PTCHD4: variants seen among roughly 807,000 people sequenced by gnomAD.
PTCHD4 encodes patched domain containing 4.
PTCHD4 carries 33 observed loss-of-function variants against 58.1 expected under a neutral mutation model. That is an observed-to-expected ratio of 0.57 (90% CI 0.43 to 0.76). PTCHD4 has a LOEUF of 0.76. Ranked by LOEUF, PTCHD4 falls within the 30% of genes least tolerant of loss-of-function variation. The probability of loss-of-function intolerance (pLI) is 0.00; values close to 1 mark genes in which losing one functional copy is unlikely to be tolerated. For synonymous variants in PTCHD4, 478 were observed against 409.6 expected (o/e 1.17, Z -2.02); for missense variants, 1,058 against 1,027.1 (o/e 1.03, Z -0.41).
chr6:48,046,525 C>G (rs540775873), intron 3 of PTCHD4, among the ~76,000 whole-genome samples: 1 of 151,884 alleles, frequency 6.6e-6, no homozygotes, highest in African/African-American at 2.4e-5. Flanking sequence ...TAGTTATAAA[C>G]AACTGTTTGA....
At chr6:47,945,755 T>G (rs1766392354) in intron 4 of PTCHD4, among the ~76,000 whole-genome samples, 1 of 151,810 alleles carries the variant, frequency 6.6e-6, no homozygotes, top group Non-Finnish European at 1.5e-5. Flanking sequence ...TCTATGAAAA[T>G]TATAAATTAT....
chr6:48,015,456 C>T (rs1160160229), intron 3 of PTCHD4, among the ~76,000 whole-genome samples: 1 of 152,008 alleles, frequency 6.6e-6, no homozygotes, highest in African/African-American at 2.4e-5. Context: ...TATCACCCTT[C>T]TCATGAACTC....
intron 4 of PTCHD4, among the ~76,000 whole-genome samples, chr6:47,996,867 C>T (rs535282357): frequency 6.6e-6 from 1 of 152,150 alleles, no homozygotes; most frequent in African/African-American, 2.4e-5. Context: ...TAAAAGAACA[C>T]ATAATTTTAC....
intron 4 of PTCHD4, among the ~76,000 whole-genome samples, chr6:47,953,888 A>G (rs900078935): frequency 3.3e-5 from 5 of 152,096 alleles, no homozygotes; most frequent in African/African-American, 1.2e-4. Flanking sequence ...TGAATGTGCA[A>G]TTTTTTTCCC....
At chr6:48,074,820 A>T (rs924205445) in intron 1 of PTCHD4, among the ~76,000 whole-genome samples, 22 of 152,338 alleles carry the variant, frequency 1.4e-4, no homozygotes, top group Non-Finnish European at 3.2e-4. Flanking sequence ...CTGCTTTCTA[A>T]ATGGAAAATA....
chr6:47,871,986 C>T lies in PTCHD4; in HGVS notation c.*6317G>A, dbSNP rs1156897541. Among the ~76,000 whole-genome samples the T allele has an allele frequency of 1.3e-5, 2 of 150,726 alleles. No individual in the cohort carries two copies. Among genetic ancestry groups the T allele is most frequent in the African/African-American group, 4.9e-5 (2 of 41,132 alleles). ...CCCTTATTCTACTTGAAAATAGATG[C>T]TACAGACTGTACCAGGAGATGCAAG... On this transcript the variant is annotated 3_prime_UTR_variant, in exon 5 of 5. Coordinates refer to ENST00000339488, the MANE Select transcript of PTCHD4 (RefSeq NM_001384253.1).
At position 47,866,011 on chromosome 6, in the gene PTCHD4, C is replaced by T. The variant is rs780928530; in HGVS notation, c.*12292G>A. ...CAGTCTGGTCCCGTCACATGGGGTGCTCAGGCCAATAATCTTACCTCATCT... is the reference window on the plus strand; with the variant it reads ...CAGTCTGGTCCCGTCACATGGGGTGTTCAGGCCAATAATCTTACCTCATCT... On this transcript the variant is annotated 3_prime_UTR_variant, in exon 5 of 5. Coordinates refer to ENST00000339488, the MANE Select transcript of PTCHD4 (RefSeq NM_001384253.1). 2.6e-5 allele frequency among the ~76,000 whole-genome samples: 4 copies of T among 151,230 alleles called. No individual in the cohort carries two copies. Among genetic ancestry groups the T allele is most frequent in the African/African-American group, 9.7e-5 (4 of 41,280 alleles).
At chr6:48,037,317 AG>A (rs1297559894) in intron 3 of PTCHD4, among the ~76,000 whole-genome samples, 1 of 152,280 alleles carries the variant, frequency 6.6e-6, no homozygotes, top group South Asian at 2.1e-4. Flanking sequence ...ATGTATGTGT[AG>A]GAAAAAACAG....
chr6:48,065,882 CT>C (rs1562035496), intron 3 of PTCHD4, among the ~76,000 whole-genome samples: 1 of 152,138 alleles, frequency 6.6e-6, no homozygotes, highest in Non-Finnish European at 1.5e-5. Flanking sequence ...CACTTCTGTT[CT>C]TTTTATGCTA....
chr6:47,879,875 C>T lies in PTCHD4; in HGVS notation c.960G>A (p.Leu320=). Residue 320 remains leucine, a synonymous_variant, in exon 5 of 5, where the codon TTG becomes TTA. Coordinates refer to ENST00000339488, the MANE Select transcript of PTCHD4 (RefSeq NM_001384253.1). ...LSGWRRTKEN[L]PFKDRIADAY... is the part of the protein sequence containing the mutation. ...CATCTGCTATCCTGTCTTTGAAGGG[C>T]AAGTTCTCTTTGGTTCTCCGCCATC... 6.3e-7 allele frequency: 1 copy of T among 1,597,084 alleles called. No homozygotes were observed. The highest frequency in any genetic ancestry group is 8.5e-7 in the Non-Finnish European group (1 of 1,171,236).
intron 4 of PTCHD4, among the ~76,000 whole-genome samples, chr6:47,892,061 T>G (rs1441069844): frequency 3.3e-5 from 5 of 152,156 alleles, no homozygotes. Context: ...AGAATGCCAG[T>G]TGGGCATATG....
intron 4 of PTCHD4, among the ~76,000 whole-genome samples, chr6:47,912,250 A>G (rs1765092656): frequency 1.3e-5 from 2 of 152,226 alleles, no homozygotes; most frequent in East Asian, 3.9e-4. Flanking sequence ...TTCTTGATCT[A>G]GAAAAGGAAG....
chr6:48,089,996 G>A (rs9473234), intron 1 of PTCHD4, among the ~76,000 whole-genome samples: 24,311 of 151,916 alleles, frequency 0.16, 2,007 homozygotes, highest in African/African-American at 0.21. Context: ...GTTCATCACT[G>A]TTCTATATAG....
intron 4 of PTCHD4, among the ~76,000 whole-genome samples, chr6:47,904,627 A>G (rs977972417): frequency 6.6e-6 from 1 of 152,234 alleles, no homozygotes; most frequent in African/African-American, 2.4e-5. Context: ...ACAATTGTGT[A>G]CAAACTTTGC....
At chr6:48,073,386 A>C (rs1312002382) in intron 1 of PTCHD4, among the ~76,000 whole-genome samples, 2 of 152,206 alleles carry the variant, frequency 1.3e-5, no homozygotes, top group Admixed American at 6.5e-5. Context: ...TTTAAATAAG[A>C]CACCTAATTA....
chr6:48,102,974 G>A (rs1044114317), intron 1 of PTCHD4, among the ~76,000 whole-genome samples: 11 of 152,218 alleles, frequency 7.2e-5, no homozygotes, highest in African/African-American at 2.7e-4. Context: ...ACTGGGTGGA[G>A]CCCACCACAG....
chr6:47,964,349 A>T (rs895055430), intron 4 of PTCHD4, among the ~76,000 whole-genome samples: 1 of 152,114 alleles, frequency 6.6e-6, no homozygotes, highest in African/African-American at 2.4e-5. Flanking sequence ...AGTTGCATTG[A>T]GGCACTAAGA....
chr6:48,056,893 G>C (rs1188717478), intron 3 of PTCHD4, among the ~76,000 whole-genome samples: 1 of 152,158 alleles, frequency 6.6e-6, no homozygotes, highest in East Asian at 1.9e-4. Flanking sequence ...AGCTCTCATG[G>C]TGCCATTTTT....
intron 3 of PTCHD4, among the ~76,000 whole-genome samples, chr6:48,030,031 T>C (rs1366120392): frequency 2.0e-5 from 3 of 152,048 alleles, no homozygotes; most frequent in African/African-American, 4.8e-5. Flanking sequence ...ACAGGTGAAG[T>C]CTGGCTTGGC....
Sources: allele counts gnomAD v4.1 joint callset (sites outside exome capture counted in the v4.1 genomes callset), GRCh38; gene constraint gnomAD v4.1.1; transcripts MANE v1.5; gene names NCBI Gene and HGNC (gene_info 2026-07-23, HGNC 2026-07-21).